EPC1: variants seen among roughly 807,000 people sequenced by gnomAD.
The protein encoded by EPC1 is enhancer of polycomb homolog 1.
Under a neutral mutation model 98.4 loss-of-function variants are expected in EPC1, and 12 were observed. That is an observed-to-expected ratio of 0.12 (90% CI 0.08 to 0.20). The LOEUF (loss-of-function observed/expected upper bound fraction) is 0.20, where lower values mean the gene tolerates loss of function less well. Among genes scored for constraint, EPC1 ranks in the 10% least tolerant of loss-of-function variants. The pLI is 1.00. For synonymous variants in EPC1, 357 were observed against 363.9 expected, an observed-to-expected ratio of 0.98 and a Z score of 0.21; for missense variants, 729 against 990.5, an observed-to-expected ratio of 0.74 and a Z score of 3.54.
intron 2 of EPC1, among the ~76,000 whole-genome samples, chr10:32,303,926 C>T (rs541190828): frequency 1.3e-5 from 2 of 152,362 alleles, no homozygotes; most frequent in East Asian, 1.9e-4. Flanking sequence ...CTTCTCTGTA[C>T]ATTTCTCTGC....
chr10:32,285,327 C>A, intron 9 of EPC1: 1 of 323,370 alleles, frequency 3.1e-6, no homozygotes, highest in South Asian at 6.2e-5. Context: ...CACATTTATT[C>A]TATATTTAAG....
chr10:32,287,427 TAA>T (rs1328290257), intron 6 of EPC1, among the ~76,000 whole-genome samples, 153 bp from the exon 7 acceptor site: 2 of 152,204 alleles, frequency 1.3e-5, no homozygotes, highest in Non-Finnish European at 2.9e-5. Flanking sequence ...TCTTATAGTG[TAA>T]AGTCTAGAGA....
intron 1 of EPC1, 146 bp downstream of exon 1, chr10:32,346,617 G>T: frequency 1.3e-6 from 1 of 792,310 alleles, no homozygotes; most frequent in Non-Finnish European, 2.0e-6. Context: ...GCTGGGGGAG[G>T]CGGGGTATAG....
chr10:32,366,211 A>T (rs1160786722), intron 1 of EPC1, among the ~76,000 whole-genome samples: 1 of 152,192 alleles, frequency 6.6e-6, no homozygotes, highest in African/African-American at 2.4e-5. Context: ...TGATGCTTTA[A>T]TAAGTTTTCC....
chr10:32,303,397 A>G (rs569678408), intron 2 of EPC1, among the ~76,000 whole-genome samples: 1 of 152,332 alleles, frequency 6.6e-6, no homozygotes, highest in Non-Finnish European at 1.5e-5. Flanking sequence ...CAAAAACTGG[A>G]AACTACCCAA....
chr10:32,317,621 G>A (rs1032754736), intron 1 of EPC1, among the ~76,000 whole-genome samples: 8 of 152,074 alleles, frequency 5.3e-5, no homozygotes, highest in Non-Finnish European at 1.2e-4. Context: ...CAGCCTGGGT[G>A]ACAGAGCAAG....
chr10:32,372,981 G>C (rs1839794240), intron 1 of EPC1, among the ~76,000 whole-genome samples: 1 of 152,212 alleles, frequency 6.6e-6, no homozygotes, highest in Non-Finnish European at 1.5e-5. Flanking sequence ...CTGAGATTGT[G>C]CCATTGCACT....
chr10:32,336,361 C>A (rs1008371640), intron 1 of EPC1, among the ~76,000 whole-genome samples: 7 of 152,158 alleles, frequency 4.6e-5, no homozygotes, highest in African/African-American at 1.7e-4. Context: ...AGCCACCGTG[C>A]CCGGCCTACT....
At chr10:32,296,492 G>A (rs939436993) in intron 2 of EPC1, among the ~76,000 whole-genome samples, 43 of 152,160 alleles carry the variant, frequency 2.8e-4, no homozygotes, top group African/African-American at 1.0e-3. Flanking sequence ...TGAAAAGGAT[G>A]ATTTCTATCA....
In EPC1 at chr10:32,376,436, G is replaced by T. The variant is rs7893617; in HGVS notation, c.3+2055C>A. Among the ~76,000 whole-genome samples, 266 of 152,084 alleles carry T rather than the reference G, an allele frequency of 1.7e-3. 1 individual carries two copies. Among genetic ancestry groups the T allele is most frequent in the African/African-American group, 6.1e-3 (254 of 41,522 alleles). On this transcript the variant is annotated intron_variant, in intron 1 of 13. Transcript: ENST00000375110. ...CTAAACTCTCCAGCATAACCAGAGG[G>T]TTAGATAATATATTTACACCTGCAG... is the stretch of plus-strand genomic sequence containing the variant.
At chr10:32,276,779 T>C (rs1002516393) in intron 10 of EPC1, among the ~76,000 whole-genome samples, 3 of 152,182 alleles carry the variant, frequency 2.0e-5, no homozygotes, top group Non-Finnish European at 4.4e-5. Flanking sequence ...ATGACCATGC[T>C]CACCCTCTCT....
intron 2 of EPC1, 114 bp downstream of exon 2, chr10:32,305,658 T>C: frequency 1.3e-6 from 1 of 752,314 alleles, no homozygotes; most frequent in African/African-American, 1.8e-5. Context: ...ACTCTTAAGC[T>C]GATGCTGGTC....
intron 5 of EPC1, chr10:32,291,932 G>A (rs1834875086): frequency 6.6e-6 from 1 of 152,210 alleles, no homozygotes; most frequent in South Asian, 2.1e-4. Context: ...ATTTGGTGAA[G>A]TTGAAAGTAA....
chr10:32,361,305 C>A (rs1839436777), intron 1 of EPC1, among the ~76,000 whole-genome samples: 1 of 152,164 alleles, frequency 6.6e-6, no homozygotes, highest in African/African-American at 2.4e-5. Flanking sequence ...TCTGTAACGC[C>A]TATGTGCAGG....
chr10:32,326,290 G>GT (rs1329228150), intron 1 of EPC1, among the ~76,000 whole-genome samples: 1 of 152,098 alleles, frequency 6.6e-6, no homozygotes, highest in Non-Finnish European at 1.5e-5. Flanking sequence ...CTGGCCAATT[G>GT]TAAGTCAAAG....
At chr10:32,278,234 T>C (rs968613212) in intron 10 of EPC1, among the ~76,000 whole-genome samples, 1 of 148,236 alleles carries the variant, frequency 6.7e-6, no homozygotes, top group Non-Finnish European at 1.5e-5. Flanking sequence ...AGAGACGGAG[T>C]TTTCGCCATG....
rs772299594 is a variant in EPC1, at chr10:32,293,141, A to G, written c.513T>C (p.Ile171=). 1.7e-5 allele frequency: 28 copies of G among 1,613,274 alleles called. No individual in the cohort carries two copies. Among genetic ancestry groups the G allele is most frequent in the Non-Finnish European group, 2.4e-5 (28 of 1,179,644 alleles). The part of the protein sequence containing the change: ...KLLLKEDDEL[I]REVYEYWIKK... ...TAATCCAATATTCATAAACTTCTCT[A>G]ATTAGTTCATCATCTTCTTTTAGCA... The change falls in exon 4 of 14, where the codon ATT becomes ATC. Residue 171 remains isoleucine (I), a synonymous_variant. Coordinates refer to ENST00000319778, the MANE Select transcript of EPC1 (RefSeq NM_001272004.3).
At position 32,291,181 on chromosome 10, in the gene EPC1, C is replaced by T. The variant is rs1592555615; in HGVS notation, c.957G>A (p.Lys319=). Residue 319 remains lysine, a synonymous_variant, in exon 6 of 14, where the codon AAG becomes AAA. Transcript: ENST00000319778. ...QFKHQEAMDV[K]EFKVNKQDKA... Reference sequence around the variant, plus strand: ...TAATCACCTTATTAACTTTGAACTCCTTCACATCCATTGCTTCCTGGTGTT... The same window carrying T: ...TAATCACCTTATTAACTTTGAACTCTTTCACATCCATTGCTTCCTGGTGTT... 6.2e-7 allele frequency: 1 copy of T among 1,613,586 alleles called. No homozygotes were observed. The highest frequency in any genetic ancestry group is 2.2e-5 in the East Asian group (1 of 44,868).
intron 1 of EPC1, among the ~76,000 whole-genome samples, chr10:32,317,590 C>G (rs780852770): frequency 4.6e-5 from 7 of 152,036 alleles, no homozygotes; most frequent in Non-Finnish European, 7.4e-5. Flanking sequence ...TGTAGTGAGC[C>G]AAGATCGTGC....
Sources: gnomAD v4.1 joint callset for allele counts (sites outside exome capture counted in the v4.1 genomes callset) on GRCh38, gnomAD v4.1.1 for gene constraint, MANE v1.5 for transcripts, NCBI Gene and HGNC (gene_info 2026-07-23, HGNC 2026-07-21) for gene names.